Variants in ROBO2 observed in about 807,000 individuals in gnomAD.
The protein encoded by ROBO2 is roundabout guidance receptor 2.
ROBO2 carries 53 observed loss-of-function variants against 160.8 expected under a neutral mutation model. The observed-to-expected ratio is 0.33, with a 90% CI of 0.26 to 0.41. The LOEUF is 0.41. Ranked by LOEUF, ROBO2 falls within the 10% of genes least tolerant of loss-of-function variation. The probability of loss-of-function intolerance (pLI) is 1.00; values close to 1 mark genes in which losing one functional copy is unlikely to be tolerated. For synonymous variants in ROBO2, 664 were observed against 611.7 expected, an observed-to-expected ratio of 1.09 and a Z score of -1.26; for missense variants, 1,577 against 1,722.4, an observed-to-expected ratio of 0.92 and a Z score of 1.49.
chr3:76,046,962 G>A (rs1033554282), intron 2 of ROBO2, among the ~76,000 whole-genome samples: 2 of 152,038 alleles, frequency 1.3e-5, no homozygotes, highest in South Asian at 2.1e-4. Flanking sequence ...ACACCATCTT[G>A]CTTCCCTATT....
At chr3:76,450,235 T>G (rs2077406859) in intron 2 of ROBO2, among the ~76,000 whole-genome samples, 1 of 152,108 alleles carries the variant, frequency 6.6e-6, no homozygotes, top group African/African-American at 2.4e-5. Context: ...AATGTAGGTG[T>G]TTACAATAAG....
chr3:76,254,481 GGAA>G lies in ROBO2; in HGVS notation c.109+316880_109+316882del, dbSNP rs1160606132. On this transcript the variant is annotated intron_variant, in intron 2 of 26. Coordinates refer to the ROBO2 transcript ENST00000487694. ...AATGCAGAGTCAGTCAGAGACTTAG[GGAA>G]CTGCTTACATGGTAGTTCTAGAGGA... is the stretch of plus-strand genomic sequence containing the variant. Among the ~76,000 whole-genome samples the G allele has an allele frequency of 4.6e-5, 7 of 152,088 alleles. No homozygotes were observed. In the South Asian group the frequency reaches 1.5e-3, roughly 32 times the overall value.
chr3:76,275,923 G>A (rs1304955186), intron 2 of ROBO2, among the ~76,000 whole-genome samples: 1 of 151,926 alleles, frequency 6.6e-6, no homozygotes, highest in African/African-American at 2.4e-5. Context: ...AGAACTCGGA[G>A]GGGGGGAGCA....
intron 5 of ROBO2, among the ~76,000 whole-genome samples, chr3:77,516,249 T>C (rs1342670120): frequency 1.3e-5 from 2 of 151,244 alleles, no homozygotes; most frequent in South Asian, 2.1e-4. Flanking sequence ...AACAGCTATA[T>C]GGTTTGCTTT....
intron 2 of ROBO2, among the ~76,000 whole-genome samples, chr3:76,269,401 C>T (rs147229733): frequency 6.6e-5 from 10 of 152,070 alleles, no homozygotes; most frequent in East Asian, 3.9e-4. Flanking sequence ...TGCTTCTTGA[C>T]GTCTCCTTCA....
intron 2 of ROBO2, among the ~76,000 whole-genome samples, chr3:77,210,619 G>C (rs1435898808): frequency 6.6e-6 from 1 of 152,042 alleles, no homozygotes; most frequent in Non-Finnish European, 1.5e-5. Flanking sequence ...TTAAGTTTTA[G>C]GGTACATGTG....
chr3:76,022,007 C>G (rs1286302898), intron 2 of ROBO2, among the ~76,000 whole-genome samples: 5 of 151,530 alleles, frequency 3.3e-5, no homozygotes, highest in African/African-American at 1.2e-4. Flanking sequence ...ACTGCTCTAT[C>G]AACTAAGTTT....
intron 2 of ROBO2, among the ~76,000 whole-genome samples, chr3:76,720,113 C>G (rs995492165): frequency 8.5e-5 from 13 of 152,124 alleles, no homozygotes; most frequent in Admixed American, 7.9e-4. Flanking sequence ...GCAGATCCCT[C>G]ATCAGTGTTA....
chr3:76,780,451 G>C (rs1256276160), intron 2 of ROBO2, among the ~76,000 whole-genome samples: 1 of 150,662 alleles, frequency 6.6e-6, no homozygotes, highest in Non-Finnish European at 1.5e-5. Context: ...TGCTTGTTTA[G>C]TTTTGCTTTG....
In ROBO2 at chr3:76,739,592, G is replaced by A. The variant is rs140377931; in HGVS notation, c.110-358422G>A. On this transcript the variant is annotated intron_variant, in intron 2 of 26. Coordinates refer to the ROBO2 transcript ENST00000487694. ...GTATACATATGTAACTGACCTGCAC[G>A]TTGTGCACATGTACCCTAAAACTTA... 2.1e-3 allele frequency among the ~76,000 whole-genome samples: 314 copies of A among 151,856 alleles called. 4 individuals carry two copies. The East Asian group carries it at 0.035, about 17-fold the overall frequency.
chr3:76,962,633 G>A (rs2079753504), intron 2 of ROBO2, among the ~76,000 whole-genome samples: 1 of 92,392 alleles, frequency 1.1e-5, no homozygotes, highest in South Asian at 3.6e-4. Context: ...AGTGAAACTC[G>A]ATCTCAGAAA....
At chr3:77,343,522 T>G (rs2067296298) in intron 2 of ROBO2, among the ~76,000 whole-genome samples, 1 of 152,164 alleles carries the variant, frequency 6.6e-6, no homozygotes, top group Admixed American at 6.6e-5. Flanking sequence ...GTATTTAACA[T>G]TGATAGGTTG....
At chr3:77,046,437 T>C (rs2064678217) in intron 1 of ROBO2, among the ~76,000 whole-genome samples, 1 of 152,216 alleles carries the variant, frequency 6.6e-6, no homozygotes, top group South Asian at 2.1e-4. Flanking sequence ...GTTGAACTTG[T>C]CACTTTTAGC....
At chr3:77,180,416 C>CTCTCTCTATATATATA (rs1433740534) in intron 2 of ROBO2, among the ~76,000 whole-genome samples, 109 of 90,702 alleles carry the variant, frequency 1.2e-3, no homozygotes, top group African/African-American at 2.8e-3. Context: ...CTCTCTCTCT[C>CTCTCTCTATATATATA]TATATATATA....
intron 2 of ROBO2, among the ~76,000 whole-genome samples, chr3:76,635,036 C>CA (rs1363430979): frequency 6.6e-6 from 1 of 152,222 alleles, no homozygotes; most frequent in Non-Finnish European, 1.5e-5. Flanking sequence ...CATCTGCTCC[C>CA]AACCCACTGT....
intron 2 of ROBO2, among the ~76,000 whole-genome samples, chr3:75,964,529 A>G: frequency 6.6e-6 from 1 of 151,638 alleles, no homozygotes. Flanking sequence ...CTAAATTAAT[A>G]TTTTGTATAT....
chr3:77,221,679 C>T (rs1166757152), intron 2 of ROBO2, among the ~76,000 whole-genome samples: 1 of 152,008 alleles, frequency 6.6e-6, no homozygotes, highest in Non-Finnish European at 1.5e-5. Flanking sequence ...TTCACCAGTT[C>T]ACCAAGATAT....
chr3:77,046,376 T>C (rs1318959579), intron 1 of ROBO2, among the ~76,000 whole-genome samples: 2 of 152,244 alleles, frequency 1.3e-5, no homozygotes, highest in Non-Finnish European at 2.9e-5. Context: ...GGTTGTTGTC[T>C]TCTAAGTCTT....
intron 5 of ROBO2, among the ~76,000 whole-genome samples, chr3:77,521,797 G>A (rs1011617022): frequency 6.6e-6 from 1 of 151,244 alleles, no homozygotes; most frequent in Admixed American, 6.6e-5. Context: ...GGTTATGGCA[G>A]TTTTAAATGC....
Sources: allele counts gnomAD v4.1 joint callset (sites outside exome capture counted in the v4.1 genomes callset), GRCh38; gene constraint gnomAD v4.1.1; transcripts MANE v1.5; gene names NCBI Gene and HGNC (gene_info 2026-07-23, HGNC 2026-07-21).